The following PGBD5 variants were observed in gnomAD, a reference collection of about 807,000 sequenced individuals.
PGBD5 encodes the protein piggyBac transposable element derived 5.
A neutral mutation model predicts 47.9 loss-of-function variants in PGBD5; 14 were observed. The ratio of observed to expected loss-of-function variants is 0.29; its 90% CI spans 0.19 to 0.46. The LOEUF (loss-of-function observed/expected upper bound fraction) is 0.46, where lower values mean the gene tolerates loss of function less well. Ranked by LOEUF, PGBD5 falls within the 20% of genes least tolerant of loss-of-function variation. The probability of loss-of-function intolerance (pLI) is 1.00; values close to 1 mark genes in which losing one functional copy is unlikely to be tolerated. For synonymous variants in PGBD5, 316 were observed against 306.3 expected, an observed-to-expected ratio of 1.03 and a Z score of -0.33; for missense variants, 635 against 716.0, an observed-to-expected ratio of 0.89 and a Z score of 1.29.
chr1:230,372,623 T>C (rs1411153436), intron 1 of PGBD5, among the ~76,000 whole-genome samples: 2 of 152,210 alleles, frequency 1.3e-5, no homozygotes, highest in Non-Finnish European at 2.9e-5. Flanking sequence ...GCTGCCCCAC[T>C]TCTACATAAA....
At chr1:230,325,193 G>A in intron 6 of PGBD5, 117 bp downstream of exon 6, 1 of 788,906 alleles carries the variant, frequency 1.3e-6, no homozygotes. Context: ...TTACCTCCCA[G>A]GGTCTTCATC....
chr1:230,418,989 G>A (rs1258721790), intron 1 of PGBD5, among the ~76,000 whole-genome samples: 1 of 152,240 alleles, frequency 6.6e-6, no homozygotes, highest in Non-Finnish European at 1.5e-5. Flanking sequence ...CAGCCACTGT[G>A]CAGAGAACTT....
chr1:230,421,624 C>T (rs1657650480), intron 1 of PGBD5, among the ~76,000 whole-genome samples: 1 of 152,184 alleles, frequency 6.6e-6, no homozygotes, highest in African/African-American at 2.4e-5. Context: ...CAGTTTCACC[C>T]CCTACATGAA....
intron 1 of PGBD5, among the ~76,000 whole-genome samples, chr1:230,366,846 G>A (rs1006747853): frequency 2.6e-5 from 4 of 152,210 alleles, no homozygotes; most frequent in Non-Finnish European, 4.4e-5. Context: ...GGGAGCCGAC[G>A]TACAGATGGC....
At chr1:230,358,464 T>C (rs1338231557) in intron 1 of PGBD5, among the ~76,000 whole-genome samples, 1 of 152,166 alleles carries the variant, frequency 6.6e-6, no homozygotes, top group Non-Finnish European at 1.5e-5. Context: ...ACGTTCCCTA[T>C]GTAGTCACTT....
intron 1 of PGBD5, among the ~76,000 whole-genome samples, chr1:230,388,419 T>C (rs1033091412): frequency 2.0e-5 from 3 of 150,918 alleles, no homozygotes; most frequent in Non-Finnish European, 3.0e-5. Context: ...GGCCACATTT[T>C]TTTTTTTTTT....
At position 230,426,085 on chromosome 1, in the gene PGBD5, T is replaced by C; in HGVS notation, c.-157A>G. ...CGGCCGGCCCGCCGTCTTGGCCGCC[T>C]CGGGCCCAGCGCCCGGGGAAGCGCC... is the stretch of plus-strand genomic sequence containing the variant. On this transcript the variant is annotated 5_prime_UTR_variant, in exon 1 of 7. Transcript: ENST00000391860. 3 of 210,922 alleles carry C rather than the reference T, an allele frequency of 1.4e-5. No homozygotes were observed. Among genetic ancestry groups the C allele is most frequent in the Non-Finnish European group, 2.4e-5 (3 of 127,138 alleles). 13.1% of individuals were successfully genotyped at this position (210,922 alleles called of 1,614,324 possible). A position where few individuals can be genotyped will look rare whatever the true frequency, so the allele number is the denominator to read the frequency against.
intron 1 of PGBD5, among the ~76,000 whole-genome samples, chr1:230,402,119 T>C (rs1377769958): frequency 2.0e-5 from 3 of 152,132 alleles, no homozygotes; most frequent in African/African-American, 7.2e-5. Flanking sequence ...CAGTCTTTCC[T>C]TAAAAAAAAA....
At chr1:230,405,090 G>A (rs1475172486) in intron 1 of PGBD5, among the ~76,000 whole-genome samples, 1 of 151,512 alleles carries the variant, frequency 6.6e-6, no homozygotes, top group Non-Finnish European at 1.5e-5. Flanking sequence ...AGCTACTTGG[G>A]AGGCTGAGGC....
chr1:230,425,732 G>C lies in PGBD5; in HGVS notation c.197C>G (p.Pro66Arg). 8.2e-7 allele frequency: 1 copy of C among 1,212,278 alleles called. No individual in the cohort carries two copies. Among genetic ancestry groups the C allele is most frequent in the Non-Finnish European group, 1.0e-6 (1 of 975,598 alleles). 75.1% of individuals were successfully genotyped at this position (1,212,278 alleles called of 1,614,324 possible). Residue 66 changes from proline to arginine, a missense_variant, in exon 1 of 7, where the codon CCC (proline) becomes CGC (arginine). Transcript: ENST00000391860. This position sits in a 1 kb window ranked among gnomAD's most constrained non-coding sequence, Gnocchi z 4.7. ...SAASSDDERE[P>R]PGPPGAAPPP... is the part of the protein sequence containing the mutation. ...CGGGGCGGCCCCTGGGGGTCCCGGG[G>C]GCTCGCGCTCGTCGTCCGAGGAGGC...
At chr1:230,333,160 G>C in intron 4 of PGBD5, 119 bp from the exon 5 acceptor site, 1 of 1,061,094 alleles carries the variant, frequency 9.4e-7, no homozygotes, top group Non-Finnish European at 1.4e-6. Flanking sequence ...CTGATGCTTG[G>C]GAGTCAGACC....
At chr1:230,332,016 C>CCACACAACAATA (rs1558191260) in intron 5 of PGBD5, among the ~76,000 whole-genome samples, 1 of 11,564 alleles carries the variant, frequency 8.6e-5, no homozygotes, top group Non-Finnish European at 4.7e-3. Flanking sequence ...AACATACACA[C>CCACACAACAATA]CACACACACC....
chr1:230,345,465 G>A (rs1351280292), intron 3 of PGBD5, among the ~76,000 whole-genome samples: 3 of 152,206 alleles, frequency 2.0e-5, no homozygotes, highest in African/African-American at 7.2e-5. Flanking sequence ...GGGAAACCTG[G>A]CTAGCTCCCA....
chr1:230,357,367 A>G lies in PGBD5; in HGVS notation c.332-46T>C. On this transcript the variant is annotated intron_variant, in intron 1 of 6. Coordinates refer to ENST00000391860, the MANE Select transcript of PGBD5 (RefSeq NM_001258311.2). This position sits in a 1 kb window ranked among gnomAD's most constrained non-coding sequence, Gnocchi z 5.7. ...GAGTGTTCCTTAGGACGGCCGCCAC[A>G]CCCTGACTCGACACGAGAACGGCTG... 1 of 1,576,836 alleles carries G rather than the reference A, an allele frequency of 6.3e-7. No homozygotes were observed. The highest frequency in any genetic ancestry group is 8.6e-7 in the Non-Finnish European group (1 of 1,156,392).
intron 3 of PGBD5, among the ~76,000 whole-genome samples, chr1:230,339,033 C>T (rs1215694926): frequency 2.6e-5 from 4 of 152,156 alleles, no homozygotes; most frequent in East Asian, 1.9e-4. Context: ...ACTGTTTGAG[C>T]GAATAACGGG....
chr1:230,413,985 C>A (rs577280257), intron 1 of PGBD5, among the ~76,000 whole-genome samples: 2 of 152,258 alleles, frequency 1.3e-5, no homozygotes, highest in African/African-American at 4.8e-5. Context: ...GTTCTACTTC[C>A]GTTTCATGTT....
At chr1:230,344,776 A>C (rs931189021) in intron 3 of PGBD5, among the ~76,000 whole-genome samples, 4 of 152,056 alleles carry the variant, frequency 2.6e-5, no homozygotes, top group African/African-American at 9.7e-5. Flanking sequence ...CTACTTCCGG[A>C]GTATGTCAAT....
chr1:230,399,155 G>A (rs1259966637), intron 1 of PGBD5, among the ~76,000 whole-genome samples: 3 of 151,796 alleles, frequency 2.0e-5, no homozygotes, highest in African/African-American at 4.8e-5. Context: ...GACAGCTAGC[G>A]CTATTTGGAT....
rs114109004 is a variant in PGBD5, at chr1:230,422,351, A to C, written c.331+3247T>G. On this transcript the variant is annotated intron_variant, in intron 1 of 6. Transcript: ENST00000391860. ...GAGGCTCAAAAAGCAGCCGGGCCTGAATTTCATTCTGTTTCCAAAGAGTGA... is the reference window on the plus strand; with the variant it reads ...GAGGCTCAAAAAGCAGCCGGGCCTGCATTTCATTCTGTTTCCAAAGAGTGA... Among the ~76,000 whole-genome samples the C allele has an allele frequency of 8.5e-3, 1,286 of 152,120 alleles. 20 individuals are homozygous for C. Among genetic ancestry groups the C allele is most frequent in the African/African-American group, 0.029 (1,205 of 41,472 alleles).
Sources: gnomAD v4.1 joint callset for allele counts (sites outside exome capture counted in the v4.1 genomes callset) on GRCh38, gnomAD v4.1.1 for gene constraint, Gnocchi (gnomAD v3.1) non-coding constraint, MANE v1.5 for transcripts, NCBI Gene and HGNC (gene_info 2026-07-23, HGNC 2026-07-21) for gene names.